RSU1: variants seen among roughly 807,000 people sequenced by gnomAD.
RSU1 encodes the protein Ras suppressor protein 1.
RSU1 carries 26 observed loss-of-function variants against 31.1 expected under a neutral mutation model. The observed-to-expected ratio is 0.84, with a 90% CI of 0.61 to 1.16. The LOEUF is 1.16. RSU1 is among the 50% of genes most tolerant of loss of function. The pLI is 0.00. For synonymous variants in RSU1, 164 were observed against 136.3 expected (o/e 1.20, Z -1.41); for missense variants, 320 against 339.1 (o/e 0.94, Z 0.44).
At chr10:16,617,675 T>C (rs1488702027) in intron 8 of RSU1, among the ~76,000 whole-genome samples, 1 of 152,012 alleles carries the variant, frequency 6.6e-6, no homozygotes, top group Non-Finnish European at 1.5e-5. Context: ...ACCTCAGAAA[T>C]AACACCGCAC....
chr10:16,736,746 C>T (rs937368759), intron 7 of RSU1, among the ~76,000 whole-genome samples: 2 of 151,704 alleles, frequency 1.3e-5, no homozygotes, highest in Non-Finnish European at 2.9e-5. Context: ...ATTACATTAC[C>T]AGATAAAAAT....
At chr10:16,682,235 C>T (rs905390635) in intron 8 of RSU1, among the ~76,000 whole-genome samples, 14 of 152,130 alleles carry the variant, frequency 9.2e-5, no homozygotes, top group Non-Finnish European at 1.8e-4. Flanking sequence ...ACCAGAGTGA[C>T]TCCATCTTGA....
intron 3 of RSU1, among the ~76,000 whole-genome samples, chr10:16,771,001 A>C (rs1564351449): frequency 6.6e-6 from 1 of 151,594 alleles, no homozygotes; most frequent in South Asian, 2.1e-4. Flanking sequence ...GTCTGTTGTC[A>C]TAACAAATGA....
chr10:16,677,933 A>G (rs1431837923), intron 8 of RSU1, among the ~76,000 whole-genome samples: 2 of 136,920 alleles, frequency 1.5e-5, no homozygotes, highest in Non-Finnish European at 3.2e-5. Context: ...AATCCCACAT[A>G]AACAGTCTGA....
intron 8 of RSU1, among the ~76,000 whole-genome samples, chr10:16,618,770 T>C (rs1010587470): frequency 2.6e-5 from 4 of 152,044 alleles, no homozygotes; most frequent in African/African-American, 4.8e-5. Context: ...TAAGTGGTAG[T>C]TGAATGATGA....
intron 8 of RSU1, among the ~76,000 whole-genome samples, chr10:16,684,665 G>A (rs1344561064): frequency 6.6e-6 from 1 of 152,082 alleles, no homozygotes; most frequent in Non-Finnish European, 1.5e-5. Flanking sequence ...CTTGATCTGG[G>A]ACTTCCGGCC....
intron 3 of RSU1, chr10:16,767,433 A>G (rs973307317): frequency 1.3e-5 from 2 of 152,304 alleles, no homozygotes; most frequent in Admixed American, 6.5e-5. Context: ...ATTATGCTAA[A>G]TGTGATTTAG....
intron 2 of RSU1, among the ~76,000 whole-genome samples, chr10:16,816,646 G>A (rs1360151109): frequency 6.6e-6 from 1 of 152,210 alleles, no homozygotes; most frequent in Non-Finnish European, 1.5e-5. Flanking sequence ...GAGACAGGAA[G>A]AAGGACTCAA....
chr10:16,766,923 G>C (rs1431343949), intron 3 of RSU1, among the ~76,000 whole-genome samples: 1 of 151,490 alleles, frequency 6.6e-6, no homozygotes, highest in African/African-American at 2.4e-5. Flanking sequence ...TACTCGGGAA[G>C]CTGAGGCAGG....
rs375956729 is a variant in RSU1, at chr10:16,640,674, G to A, written c.732-47178C>T. Among the ~76,000 whole-genome samples, 98 of 152,348 alleles carry A rather than the reference G, an allele frequency of 6.4e-4. 1 individual carries two copies. The highest frequency in any genetic ancestry group is 2.3e-3 in the African/African-American group (94 of 41,572). On this transcript the variant is annotated intron_variant, in intron 8 of 8. Coordinates refer to ENST00000345264, the MANE Select transcript of RSU1 (RefSeq NM_012425.4). The stretch of plus-strand genomic sequence containing the variant: ...TCGCATGTGTGCTTTTCTCTGCTGG[G>A]AATGCCTTCCAGGCTCACACCCGGA...
chr10:16,700,539 C>A (rs1175312855), intron 7 of RSU1, among the ~76,000 whole-genome samples: 1 of 152,196 alleles, frequency 6.6e-6, no homozygotes, highest in Non-Finnish European at 1.5e-5. Context: ...CATTTAGGGA[C>A]TCTCCCACAT....
At chr10:16,672,646 C>A (rs1283940644) in intron 8 of RSU1, among the ~76,000 whole-genome samples, 1 of 151,524 alleles carries the variant, frequency 6.6e-6, no homozygotes, top group Admixed American at 6.6e-5. Context: ...CATTATATGT[C>A]TATATTTATC....
chr10:16,805,624 G>A (rs371476275), intron 2 of RSU1, among the ~76,000 whole-genome samples: 2 of 149,224 alleles, frequency 1.3e-5, no homozygotes, highest in Non-Finnish European at 3.0e-5. Context: ...TGCAGTGAGC[G>A]GAGATCACGC....
At chr10:16,807,986 G>A (rs1160355146) in intron 2 of RSU1, among the ~76,000 whole-genome samples, 2 of 146,930 alleles carry the variant, frequency 1.4e-5, no homozygotes, top group South Asian at 4.3e-4. Flanking sequence ...TCACGCCACT[G>A]CACTCCAGCC....
chr10:16,739,128 T>A (rs1054834163), intron 7 of RSU1, among the ~76,000 whole-genome samples: 6 of 152,214 alleles, frequency 3.9e-5, no homozygotes, highest in African/African-American at 1.4e-4. Flanking sequence ...GCATTTGGGT[T>A]GGTTCTAAGT....
At chr10:16,736,359 T>G (rs1397051110) in intron 7 of RSU1, among the ~76,000 whole-genome samples, 2 of 152,016 alleles carry the variant, frequency 1.3e-5, no homozygotes, top group East Asian at 3.9e-4. Context: ...ACACTCACAC[T>G]CTGATCAGCC....
chr10:16,724,708 C>T (rs1205225375), intron 7 of RSU1, among the ~76,000 whole-genome samples: 1 of 152,218 alleles, frequency 6.6e-6, no homozygotes, highest in African/African-American at 2.4e-5. Context: ...CATCAACCCA[C>T]TGACAGCCTC....
intron 8 of RSU1, among the ~76,000 whole-genome samples, chr10:16,625,634 TG>T (rs959829789): frequency 2.0e-5 from 3 of 152,200 alleles, no homozygotes; most frequent in African/African-American, 7.2e-5. Flanking sequence ...AAGTGTCCCC[TG>T]TCAGTCTCAA....
chr10:16,805,654 G>C (rs1375651495), intron 2 of RSU1, among the ~76,000 whole-genome samples: 2 of 142,228 alleles, frequency 1.4e-5, no homozygotes, highest in African/African-American at 5.3e-5. Flanking sequence ...CCGACAGAGC[G>C]AGACTCCGTC....
Sources: allele counts gnomAD v4.1 joint callset (sites outside exome capture counted in the v4.1 genomes callset), GRCh38; gene constraint gnomAD v4.1.1; transcripts MANE v1.5; gene names NCBI Gene and HGNC (gene_info 2026-07-23, HGNC 2026-07-21).